The following PBX3 variants were observed in gnomAD, a reference collection of about 807,000 sequenced individuals.
PBX3 encodes the protein PBX homeobox 3, also known as pre-B-cell leukemia transcription factor 3.
Under a neutral mutation model 48.5 loss-of-function variants are expected in PBX3, and 14 were observed. That is an observed-to-expected ratio of 0.29 (90% CI 0.19 to 0.45). PBX3 has a LOEUF of 0.45. PBX3 is among the 20% of genes least tolerant of loss of function. PBX3 has a pLI of 1.00. For missense variants in PBX3, 386 were observed against 546.7 expected, an observed-to-expected ratio of 0.71 and a Z score of 2.93; for synonymous variants, 210 against 200.3, an observed-to-expected ratio of 1.05 and a Z score of -0.41.
chr9:125,938,783 G>A (rs7858228), intron 5 of PBX3, among the ~76,000 whole-genome samples: 4 of 152,156 alleles, frequency 2.6e-5, no homozygotes, highest in Non-Finnish European at 5.9e-5. Context: ...TCTGTACTGT[G>A]GGGAAAACCA....
chr9:125,943,163 T>TC (rs1374839749), intron 5 of PBX3, among the ~76,000 whole-genome samples: 1 of 151,368 alleles, frequency 6.6e-6, no homozygotes, highest in African/African-American at 2.4e-5. Context: ...GCTCAGGAGT[T>TC]CAAGACCACC....
At chr9:125,955,278 G>A (rs966362121) in intron 5 of PBX3, among the ~76,000 whole-genome samples, 2 of 151,952 alleles carry the variant, frequency 1.3e-5, no homozygotes, top group Non-Finnish European at 2.9e-5. Flanking sequence ...AGCTTCTCCC[G>A]CTTCCTCTTC....
chr9:125,809,195 T>A (rs1292012960), intron 2 of PBX3, among the ~76,000 whole-genome samples: 2 of 152,226 alleles, frequency 1.3e-5, no homozygotes, highest in South Asian at 4.1e-4. Context: ...ATGTGGGTGT[T>A]GGGCAAATCA....
intron 2 of PBX3, among the ~76,000 whole-genome samples, chr9:125,875,063 G>C (rs1220629772): frequency 6.6e-6 from 1 of 152,138 alleles, no homozygotes; most frequent in Non-Finnish European, 1.5e-5. Flanking sequence ...GGAAACTTCT[G>C]CTTCTGGCTA....
chr9:125,945,463 G>C (rs766256174), intron 5 of PBX3, among the ~76,000 whole-genome samples: 3 of 152,136 alleles, frequency 2.0e-5, no homozygotes, highest in Admixed American at 6.5e-5. Flanking sequence ...AGCTCTTCAA[G>C]AAGGCTTTCC....
intron 2 of PBX3, among the ~76,000 whole-genome samples, chr9:125,856,124 A>G (rs572908912): frequency 5.3e-5 from 8 of 152,168 alleles, no homozygotes; most frequent in Non-Finnish European, 8.8e-5. Flanking sequence ...TATAGAAACA[A>G]TGGACTTGGT....
intron 2 of PBX3, among the ~76,000 whole-genome samples, chr9:125,912,509 T>G (rs1048395884): frequency 6.6e-6 from 1 of 152,150 alleles, no homozygotes; most frequent in Non-Finnish European, 1.5e-5. Flanking sequence ...CTGAAAGATA[T>G]GCAAAAACTG....
At chr9:125,885,768 T>C (rs1840484732) in intron 2 of PBX3, among the ~76,000 whole-genome samples, 1 of 151,510 alleles carries the variant, frequency 6.6e-6, no homozygotes, top group African/African-American at 2.4e-5. Context: ...ATAGGCTGTT[T>C]TGGTTATTGA....
chr9:125,781,579 G>GGAGAGGCGAGAGGC (rs1447924303), intron 2 of PBX3, among the ~76,000 whole-genome samples: 1 of 148,294 alleles, frequency 6.7e-6, no homozygotes, highest in Admixed American at 6.8e-5. Context: ...AGGGGAGAGG[G>GGAGAGGCGAGAGGC]GAGAGGCGAG....
At chr9:125,919,112 T>C (rs988706206) in intron 3 of PBX3, among the ~76,000 whole-genome samples, 1 of 152,184 alleles carries the variant, frequency 6.6e-6, no homozygotes, top group African/African-American at 2.4e-5. Context: ...CTGGTACCCA[T>C]GTAGAACTGG....
intron 2 of PBX3, among the ~76,000 whole-genome samples, chr9:125,907,997 G>A (rs895082273): frequency 1.3e-5 from 2 of 152,064 alleles, no homozygotes; most frequent in African/African-American, 2.4e-5. Context: ...TTGGCATGTA[G>A]TATGTATGCT....
intron 2 of PBX3, among the ~76,000 whole-genome samples, chr9:125,832,470 C>T (rs1838994066): frequency 6.6e-6 from 1 of 152,260 alleles, no homozygotes; most frequent in African/African-American, 2.4e-5. Context: ...GCTGGGATTA[C>T]AGGCGTGAGC....
At chr9:125,750,493 G>C (rs958571815) in intron 2 of PBX3, among the ~76,000 whole-genome samples, 2 of 152,170 alleles carry the variant, frequency 1.3e-5, no homozygotes, top group African/African-American at 4.8e-5. Context: ...GGAAAGTATA[G>C]TCAACCACAT....
chr9:125,942,498 A>C (rs1170676897), intron 5 of PBX3, among the ~76,000 whole-genome samples: 1 of 152,230 alleles, frequency 6.6e-6, no homozygotes, highest in African/African-American at 2.4e-5. Flanking sequence ...TAAAAAAACT[A>C]TTAAAATAAG....
At chr9:125,935,238 A>T (rs1649908282) in intron 4 of PBX3, among the ~76,000 whole-genome samples, 1 of 152,252 alleles carries the variant, frequency 6.6e-6, no homozygotes, top group South Asian at 2.1e-4. Context: ...AGAATGAAGC[A>T]CAATAGTCTG....
intron 2 of PBX3, among the ~76,000 whole-genome samples, chr9:125,764,521 A>T (rs1037426141): frequency 1.3e-5 from 2 of 152,226 alleles, no homozygotes; most frequent in African/African-American, 4.8e-5. Flanking sequence ...TTGCTAACGG[A>T]TAAAAGCAGA....
chr9:125,905,609 A>G (rs1031049185), intron 2 of PBX3, among the ~76,000 whole-genome samples: 2 of 151,888 alleles, frequency 1.3e-5, no homozygotes, highest in African/African-American at 2.4e-5. Flanking sequence ...TGAAAGATAT[A>G]TTGACTTTTT....
At chr9:125,862,607 G>T (rs1165855620) in intron 2 of PBX3, among the ~76,000 whole-genome samples, 2 of 152,012 alleles carry the variant, frequency 1.3e-5, no homozygotes, top group African/African-American at 2.4e-5. Context: ...GGATGATCTC[G>T]ATCTCCTGAC....
At chr9:125,870,601 A>G (rs761638987) in intron 2 of PBX3, among the ~76,000 whole-genome samples, 4 of 152,186 alleles carry the variant, frequency 2.6e-5, no homozygotes, top group African/African-American at 4.8e-5. Context: ...CTGTCCCACA[A>G]ATTGTGGGAG....
Sources: gnomAD v4.1 joint callset for allele counts (sites outside exome capture counted in the v4.1 genomes callset) on GRCh38, gnomAD v4.1.1 for gene constraint, MANE v1.5 for transcripts, NCBI Gene and HGNC (gene_info 2026-07-23, HGNC 2026-07-21) for gene names.